CFAP61: variants seen among roughly 807,000 people sequenced by gnomAD.
CFAP61 encodes cilia and flagella associated protein 61.
CFAP61 carries 107 observed loss-of-function variants against 135.6 expected under a neutral mutation model. The observed-to-expected ratio is 0.79, with a 90% CI of 0.67 to 0.93. The LOEUF (loss-of-function observed/expected upper bound fraction) is 0.93. Ranked by LOEUF, CFAP61 falls within the 40% of genes least tolerant of loss-of-function variation. The pLI is 0.00. For missense variants in CFAP61, 1,507 were observed against 1,556.2 expected (o/e 0.97, Z 0.53); for synonymous variants, 575 against 578.5 (o/e 0.99, Z 0.09).
chr20:20,273,729 A>G (rs2053543375), intron 21 of CFAP61, among the ~76,000 whole-genome samples: 2 of 152,166 alleles, frequency 1.3e-5, no homozygotes, highest in African/African-American at 2.4e-5. Flanking sequence ...CAGTCCAAAC[A>G]AGTCATCTCG....
chr20:20,294,797 T>G (rs112777338), intron 24 of CFAP61, among the ~76,000 whole-genome samples: 2,334 of 150,760 alleles, frequency 0.015, 48 homozygotes, highest in African/African-American at 0.05. Flanking sequence ...GCGCGGTGGC[T>G]GGCGCCTGTA....
chr20:20,334,809 G>C (rs1223182630), intron 25 of CFAP61, among the ~76,000 whole-genome samples: 3 of 152,124 alleles, frequency 2.0e-5, no homozygotes, highest in African/African-American at 7.2e-5. Flanking sequence ...ACGGATTCTT[G>C]CAAACTCAGG....
At chr20:20,284,657 T>C (rs1293380854) in intron 22 of CFAP61, among the ~76,000 whole-genome samples, 1 of 152,218 alleles carries the variant, frequency 6.6e-6, no homozygotes. Flanking sequence ...TCAGCAATCT[T>C]TCATGTTCAA....
chr20:20,334,349 A>G (rs1234677872), intron 25 of CFAP61, among the ~76,000 whole-genome samples: 2 of 151,942 alleles, frequency 1.3e-5, no homozygotes, highest in East Asian at 1.9e-4. Flanking sequence ...CTGGTCTCGA[A>G]CTCCTGACCT....
chr20:20,242,218 T>G (rs2050063773), intron 18 of CFAP61, among the ~76,000 whole-genome samples: 2 of 152,224 alleles, frequency 1.3e-5, no homozygotes, highest in South Asian at 4.1e-4. Flanking sequence ...TCTCTCTGAC[T>G]TGGTGAAGGC....
At chr20:20,196,182 C>G (rs901276910) in intron 15 of CFAP61, among the ~76,000 whole-genome samples, 1 of 152,128 alleles carries the variant, frequency 6.6e-6, no homozygotes, top group Non-Finnish European at 1.5e-5. Context: ...TCTGTTTGCC[C>G]GACTCCTGAA....
intron 25 of CFAP61, chr20:20,323,039 C>T: frequency 1.0e-6 from 1 of 985,440 alleles, no homozygotes; most frequent in South Asian, 4.7e-5. Context: ...GCAGCTCTGA[C>T]TTTGTGATCA....
intron 21 of CFAP61, among the ~76,000 whole-genome samples, chr20:20,274,447 G>A (rs1382485191): frequency 1.3e-5 from 2 of 152,170 alleles, no homozygotes; most frequent in African/African-American, 4.8e-5. Context: ...GATCACTTGA[G>A]GTCAAGAGTT....
chr20:20,309,928 T>G (rs2056722460), intron 25 of CFAP61, among the ~76,000 whole-genome samples: 1 of 152,190 alleles, frequency 6.6e-6, no homozygotes, highest in African/African-American at 2.4e-5. Context: ...GCATTCTACA[T>G]GGCCTCAACA....
At chr20:20,092,351 C>T (rs1284934088) in intron 7 of CFAP61, among the ~76,000 whole-genome samples, 3 of 152,158 alleles carry the variant, frequency 2.0e-5, no homozygotes, top group Non-Finnish European at 4.4e-5. Flanking sequence ...AAGGCCCAGC[C>T]TATTGGGCCC....
intron 21 of CFAP61, among the ~76,000 whole-genome samples, chr20:20,269,162 C>CATATGTATATAT (rs1569219312): frequency 3.1e-5 from 3 of 96,784 alleles, no homozygotes; most frequent in African/African-American, 1.1e-4. Context: ...CACACACACA[C>CATATGTATATAT]ACATACATAT....
chr20:20,304,303 T>TGTGTGTGTGAGA (rs754913257), intron 25 of CFAP61, among the ~76,000 whole-genome samples: 1 of 147,488 alleles, frequency 6.8e-6, no homozygotes, highest in African/African-American at 2.6e-5. Flanking sequence ...TGTGTGTGTG[T>TGTGTGTGTGAGA]GAGAGAGAGA....
chr20:20,331,391 C>G (rs552246752), intron 25 of CFAP61, among the ~76,000 whole-genome samples: 1 of 143,490 alleles, frequency 7.0e-6, no homozygotes, highest in East Asian at 2.0e-4. Flanking sequence ...AGTGAAGAAA[C>G]AGTTTGTGGT....
Position 20,360,445 on chromosome 20 carries a change from T to C in CFAP61, c.*35T>C. The C allele has an allele frequency of 6.3e-7, 1 of 1,586,392 alleles. No individual in the cohort carries two copies. Among genetic ancestry groups the C allele is most frequent in the Non-Finnish European group, 8.6e-7 (1 of 1,160,354 alleles). ...GGGTCTCCCCTTTATGGTTTTCATT[T>C]ATTTAGTTCCTGGAAACGCGCTCTG... On this transcript the variant is annotated 3_prime_UTR_variant, in exon 27 of 27. Coordinates refer to ENST00000245957, the MANE Select transcript of CFAP61 (RefSeq NM_015585.4).
chr20:20,166,692 A>G (rs980130716), intron 12 of CFAP61, among the ~76,000 whole-genome samples: 1 of 152,190 alleles, frequency 6.6e-6, no homozygotes, highest in Admixed American at 6.5e-5. Context: ...ATCAGAATCA[A>G]ATCATTCATA....
At chr20:20,294,648 G>T (rs1315329458) in intron 24 of CFAP61, among the ~76,000 whole-genome samples, 1 of 152,132 alleles carries the variant, frequency 6.6e-6, no homozygotes, top group Non-Finnish European at 1.5e-5. Flanking sequence ...ATACCAAAAG[G>T]TCGGGCGCGG....
chr20:20,343,298 C>G (rs2058516061), intron 26 of CFAP61, among the ~76,000 whole-genome samples: 1 of 152,240 alleles, frequency 6.6e-6, no homozygotes. Flanking sequence ...AGTGCCCCCA[C>G]TTTTCAGTTT....
intron 2 of CFAP61, among the ~76,000 whole-genome samples, chr20:20,064,032 A>ACCCCCCCCCCC (rs373522191): frequency 2.1e-4 from 24 of 113,210 alleles, no homozygotes; most frequent in Non-Finnish European, 3.9e-4. Context: ...AAATAGAGTA[A>ACCCCCCCCCCC]CCGCCCCCCA....
intron 1 of CFAP61, among the ~76,000 whole-genome samples, chr20:20,055,604 T>G (rs1041199328): frequency 6.6e-6 from 1 of 152,208 alleles, no homozygotes; most frequent in Non-Finnish European, 1.5e-5. Context: ...CTTGTTTTCT[T>G]TTTACCAAAG....
Sources: allele counts gnomAD v4.1 joint callset (sites outside exome capture counted in the v4.1 genomes callset), GRCh38; gene constraint gnomAD v4.1.1; transcripts MANE v1.5; gene names NCBI Gene and HGNC (gene_info 2026-07-23, HGNC 2026-07-21).